Variants in SNX18 observed in about 807,000 individuals in gnomAD.
SNX18 encodes the protein sorting nexin-18.
In SNX18, 35 loss-of-function variants were observed where a neutral mutation model predicts 48.7. The observed-to-expected ratio is 0.72, with a 90% CI of 0.55 to 0.95. The LOEUF (loss-of-function observed/expected upper bound fraction) is 0.95, where lower values mean the gene tolerates loss of function less well. Ranked by LOEUF, SNX18 falls within the 40% of genes least tolerant of loss-of-function variation. The pLI is 0.00. For synonymous variants in SNX18, 492 were observed against 384.7 expected (o/e 1.28, Z -3.26); for missense variants, 824 against 871.0 (o/e 0.95, Z 0.68).
At chr5:54,587,782 T>C in the SNX18 span, among the ~76,000 whole-genome samples, 1 of 152,130 alleles carries the variant, frequency 6.6e-6, no homozygotes, top group Non-Finnish European at 1.5e-5. Flanking sequence ...CTACAAGTGG[T>C]CACCTATTTC....
the SNX18 span, among the ~76,000 whole-genome samples, chr5:54,602,518 G>A: frequency 2.0e-5 from 3 of 152,184 alleles, no homozygotes; most frequent in Non-Finnish European, 4.4e-5. Flanking sequence ...TACCTGAGGC[G>A]AATCCATAGG....
chr5:54,631,110 C>T, the SNX18 span, among the ~76,000 whole-genome samples: 3 of 152,178 alleles, frequency 2.0e-5, no homozygotes, highest in Non-Finnish European at 4.4e-5. Flanking sequence ...AAAATAAGGC[C>T]ATTTCAATGA....
At chr5:54,637,308 GAATT>G in the SNX18 span, among the ~76,000 whole-genome samples, 1 of 152,118 alleles carries the variant, frequency 6.6e-6, no homozygotes, top group African/African-American at 2.4e-5. Flanking sequence ...ATTTTCTTAT[GAATT>G]AATCATAAAT....
chr5:54,627,162 A>G, the SNX18 span, among the ~76,000 whole-genome samples: 1 of 152,232 alleles, frequency 6.6e-6, no homozygotes, highest in Non-Finnish European at 1.5e-5. Context: ...ATGCTCACAA[A>G]TAAAAATTAA....
the SNX18 span, among the ~76,000 whole-genome samples, chr5:54,603,230 AAAT>A: frequency 1.2e-5 from 1 of 80,948 alleles, no homozygotes; most frequent in Non-Finnish European, 2.5e-5. Context: ...AATTATTTAA[AAAT>A]ATATATATAT....
At position 54,518,933 on chromosome 5, in the gene SNX18, C is replaced by A; in HGVS notation, c.981C>A (p.Phe327Leu). 5.0e-6 allele frequency: 8 copies of A among 1,613,860 alleles called. No homozygotes were observed. The highest frequency in any genetic ancestry group is 6.8e-6 in the Non-Finnish European group (8 of 1,180,036). The stretch of plus-strand genomic sequence containing the variant: ...TGTACGCGCGCCTGGCGGAGAAGTT[C>A]CCGGTCATCTCCGTGCCCCACCTGC... ...DWLYARLAEK[F>L]PVISVPHLPE... is the part of the protein sequence containing the mutation. Residue 327 changes from phenylalanine to leucine, a missense_variant, in exon 1 of 2, where the codon TTC (phenylalanine) becomes TTA (leucine). By Grantham distance (22) the Phe-to-Leu change is conservative (BLOSUM62 0). Around this residue, in one of 3 missense-constraint regions of SNX18, gnomAD observed 443 missense variants for 503.6 expected, o/e 0.88. Transcript: ENST00000381410.
At chr5:54,616,312 C>G in the SNX18 span, among the ~76,000 whole-genome samples, 1 of 152,144 alleles carries the variant, frequency 6.6e-6, no homozygotes, top group Non-Finnish European at 1.5e-5. Context: ...TTTTCAACAC[C>G]CACTCACTGG....
chr5:54,580,556 T>A, the SNX18 span, among the ~76,000 whole-genome samples: 2 of 152,290 alleles, frequency 1.3e-5, no homozygotes, highest in South Asian at 4.1e-4. Context: ...GGGAATATAT[T>A]TTCTGGAGTG....
At chr5:54,637,337 C>G in the SNX18 span, among the ~76,000 whole-genome samples, 15 of 152,206 alleles carry the variant, frequency 9.9e-5, no homozygotes, top group African/African-American at 3.6e-4. Flanking sequence ...TATTATCTTT[C>G]AACCTTTTGT....
chr5:54,613,823 C>T, the SNX18 span, among the ~76,000 whole-genome samples: 1 of 152,080 alleles, frequency 6.6e-6, no homozygotes, highest in Admixed American at 6.6e-5. Flanking sequence ...CTCAGCCTCC[C>T]GAGTAGCTGG....
chr5:54,575,525 C>T, the SNX18 span, among the ~76,000 whole-genome samples: 20 of 151,928 alleles, frequency 1.3e-4, 1 homozygote, highest in African/African-American at 4.1e-4. Flanking sequence ...GTGCTCACCA[C>T]CACGCCTGGC....
the SNX18 span, among the ~76,000 whole-genome samples, chr5:54,566,317 G>A: frequency 1.3e-5 from 2 of 152,192 alleles, no homozygotes; most frequent in Admixed American, 6.5e-5. Flanking sequence ...CTGAATCTCA[G>A]TTTTCTCAAC....
At chr5:54,574,978 G>C in the SNX18 span, among the ~76,000 whole-genome samples, 1 of 152,180 alleles carries the variant, frequency 6.6e-6, no homozygotes, top group Non-Finnish European at 1.5e-5. Context: ...GCAGATCCTA[G>C]TTTTCAAAAC....
At chr5:54,566,864 T>C in the SNX18 span, among the ~76,000 whole-genome samples, 1 of 152,312 alleles carries the variant, frequency 6.6e-6, no homozygotes, top group Admixed American at 6.5e-5. Context: ...CCAGCACAAT[T>C]GGTCTCACCA....
intron 1 of SNX18, among the ~76,000 whole-genome samples, chr5:54,523,160 T>G (rs1762064183): frequency 6.6e-6 from 1 of 152,232 alleles, no homozygotes; most frequent in African/African-American, 2.4e-5. Flanking sequence ...CCCTGTGGTC[T>G]TGATTTTTTT....
At chr5:54,589,063 T>C in the SNX18 span, among the ~76,000 whole-genome samples, 1 of 152,180 alleles carries the variant, frequency 6.6e-6, no homozygotes, top group African/African-American at 2.4e-5. Context: ...TCTTATCTTA[T>C]AGAAGGTTGA....
chr5:54,564,310 A>G, the SNX18 span, among the ~76,000 whole-genome samples: 15 of 152,276 alleles, frequency 9.9e-5, no homozygotes, highest in Non-Finnish European at 2.2e-4. Flanking sequence ...AAAATAATAA[A>G]GGGTTTATTG....
chr5:54,547,560 C>A (rs1762595201), downstream of SNX18, among the ~76,000 whole-genome samples: 1 of 152,208 alleles, frequency 6.6e-6, no homozygotes, highest in South Asian at 2.1e-4. Context: ...AAGGGAACTT[C>A]CCAGAATCTG....
chr5:54,615,299 G>C, the SNX18 span, among the ~76,000 whole-genome samples: 1 of 152,156 alleles, frequency 6.6e-6, no homozygotes, highest in Admixed American at 6.5e-5. Context: ...TACAATTCTA[G>C]CCTGTCTCCT....
Sources: allele counts gnomAD v4.1 joint callset (sites outside exome capture counted in the v4.1 genomes callset), GRCh38; gene constraint gnomAD v4.1.1; regional missense constraint gnomAD v4.1.1; transcripts MANE v1.5; gene names NCBI Gene and HGNC (gene_info 2026-07-23, HGNC 2026-07-21).